The following NRP1 variants were observed in gnomAD, a reference collection of about 807,000 sequenced individuals.
NRP1 encodes neuropilin-1.
In NRP1, 35 loss-of-function variants were observed where a neutral mutation model predicts 106.7. The ratio of observed to expected loss-of-function variants is 0.33; its 90% CI spans 0.25 to 0.43. The LOEUF (loss-of-function observed/expected upper bound fraction) is 0.43. Among genes scored for constraint, NRP1 ranks in the 20% least tolerant of loss-of-function variants. The pLI is 1.00. For missense variants in NRP1, 1,024 were observed against 1,170.4 expected (o/e 0.87, Z 1.83); for synonymous variants, 437 against 417.9 (o/e 1.05, Z -0.56).
chr10:33,247,217 C>T (rs1008283175), intron 6 of NRP1, among the ~76,000 whole-genome samples: 6 of 152,116 alleles, frequency 3.9e-5, no homozygotes, highest in Admixed American at 3.9e-4. Flanking sequence ...CTCACTCATC[C>T]CACCTGAAAT....
intron 3 of NRP1, among the ~76,000 whole-genome samples, chr10:33,265,058 C>T (rs904083147): frequency 2.6e-5 from 4 of 151,590 alleles, no homozygotes; most frequent in Non-Finnish European, 4.4e-5. Flanking sequence ...TGCAGTGAGC[C>T]GAGATCACAC....
At chr10:33,309,619 A>T (rs12358711) in intron 2 of NRP1, among the ~76,000 whole-genome samples, 66,178 of 152,070 alleles carry the variant, frequency 0.44, 16,428 homozygotes, top group East Asian at 0.57. Flanking sequence ...CGTTTTTGAA[A>T]TGCTCACATC....
chr10:33,273,873 G>A (rs1004732706), intron 2 of NRP1, among the ~76,000 whole-genome samples: 20 of 152,258 alleles, frequency 1.3e-4, no homozygotes, highest in African/African-American at 4.8e-4. Context: ...TCTATGCAGG[G>A]TCTTTTTCTC....
chr10:33,270,525 C>T (rs1426697276), intron 3 of NRP1, 150 bp downstream of exon 3: 1 of 550,746 alleles, frequency 1.8e-6, no homozygotes, highest in East Asian at 3.3e-5. Flanking sequence ...CTGGGTTTCA[C>T]CATGTTGGCC....
At position 33,202,942 on chromosome 10, in the gene NRP1, C is replaced by T. The variant is rs1837457962; in HGVS notation, c.1813G>A (p.Asp605Asn). ...PNGNLVDECD[D>N]DQANCHSGTG... is the part of the protein sequence containing the mutation. ...CCACTGTGGCAGTTGGCCTGGTCGT[C>T]ATCACATTCATCCACCAAGTTCCCG... The change falls in exon 11 of 17, where the codon GAC becomes AAC. Residue 605 changes from aspartate to asparagine, a missense_variant. This residue lies in a region of NRP1 where 562 missense variants were observed against 620.3 expected (regional missense o/e 0.91). Transcript: ENST00000374867. The T allele has an allele frequency of 6.2e-7, 1 of 1,614,084 alleles. No individual in the cohort carries two copies. The highest frequency in any genetic ancestry group is 1.1e-5 in the South Asian group (1 of 91,086).
intron 3 of NRP1, among the ~76,000 whole-genome samples, chr10:33,269,157 A>T (rs1478708035): frequency 1.3e-5 from 2 of 152,234 alleles, no homozygotes; most frequent in Non-Finnish European, 2.9e-5. Flanking sequence ...TTTTCTATAC[A>T]TTAATGCCAA....
In NRP1 at chr10:33,334,305, C is replaced by T; in HGVS notation, c.73+5G>A. 6.5e-7 allele frequency: 1 copy of T among 1,541,404 alleles called. No individual in the cohort carries two copies. Among genetic ancestry groups the T allele is most frequent in the Non-Finnish European group, 8.7e-7 (1 of 1,146,088 alleles). ...CTGTCACCCGCGCCTCTGCCTGTCACTTACCGTTGCGAAAAGCGCCGGCCG... is the reference window on the plus strand; with the variant it reads ...CTGTCACCCGCGCCTCTGCCTGTCATTTACCGTTGCGAAAAGCGCCGGCCG... On this transcript the variant is annotated splice_donor_5th_base_variant and intron_variant, in intron 1 of 16. Coordinates refer to ENST00000374867, the MANE Select transcript of NRP1 (RefSeq NM_003873.7).
intron 2 of NRP1, among the ~76,000 whole-genome samples, chr10:33,314,588 C>T (rs1846882879): frequency 6.6e-6 from 1 of 152,186 alleles, no homozygotes; most frequent in Non-Finnish European, 1.5e-5. Context: ...TGTCATCATA[C>T]ATCTACTACT....
intron 8 of NRP1, among the ~76,000 whole-genome samples, chr10:33,220,676 C>T (rs1168601489): frequency 6.6e-6 from 1 of 152,024 alleles, no homozygotes; most frequent in African/African-American, 2.4e-5. Flanking sequence ...GCATGTGGAT[C>T]ACCTGAGGTC....
At chr10:33,326,039 C>G (rs1009988188) in intron 2 of NRP1, among the ~76,000 whole-genome samples, 2 of 152,118 alleles carry the variant, frequency 1.3e-5, no homozygotes, top group East Asian at 3.9e-4. Flanking sequence ...ATGTTTTTAA[C>G]CCAATGTCTG....
intron 2 of NRP1, among the ~76,000 whole-genome samples, chr10:33,303,235 C>G (rs1845927889): frequency 6.6e-6 from 1 of 152,136 alleles, no homozygotes; most frequent in Admixed American, 6.5e-5. Flanking sequence ...AACAAACAAA[C>G]ATTTTCGAAA....
intron 8 of NRP1, among the ~76,000 whole-genome samples, chr10:33,219,481 G>A (rs1839056493): frequency 6.6e-6 from 1 of 152,196 alleles, no homozygotes; most frequent in South Asian, 2.1e-4. Flanking sequence ...TGGAGACCAT[G>A]ATTAAGAGAC....
chr10:33,234,075 A>G (rs1478333905), intron 6 of NRP1, among the ~76,000 whole-genome samples: 2 of 152,154 alleles, frequency 1.3e-5, no homozygotes, highest in Non-Finnish European at 2.9e-5. Flanking sequence ...TTGTGTCCCT[A>G]TGGTGGTATT....
At chr10:33,280,736 C>T (rs1296915180) in intron 2 of NRP1, among the ~76,000 whole-genome samples, 1 of 152,042 alleles carries the variant, frequency 6.6e-6, no homozygotes, top group Admixed American at 6.6e-5. Context: ...AATCCCAGCA[C>T]TTTGGGATGT....
chr10:33,263,935 A>G (rs1432162352), intron 3 of NRP1, 62 bp from the exon 4 acceptor site: 1 of 1,036,524 alleles, frequency 9.6e-7, no homozygotes, highest in African/African-American at 1.6e-5. Flanking sequence ...TCCCCAAGAA[A>G]TAACCTGGGT....
At chr10:33,276,265 A>AAAC (rs1052865453) in intron 2 of NRP1, among the ~76,000 whole-genome samples, 8 of 152,270 alleles carry the variant, frequency 5.3e-5, no homozygotes, top group African/African-American at 7.2e-5. Context: ...TTTGTTGATA[A>AAAC]AACAACAACA....
intron 16 of NRP1, 50 bp downstream of exon 16, chr10:33,182,648 T>G: frequency 7.8e-7 from 1 of 1,281,884 alleles, no homozygotes; most frequent in Non-Finnish European, 1.1e-6. Flanking sequence ...ATAAACACAA[T>G]GAAAGCCATA....
chr10:33,333,343 A>T (rs1003666192), intron 1 of NRP1, among the ~76,000 whole-genome samples: 1 of 152,134 alleles, frequency 6.6e-6, no homozygotes, highest in African/African-American at 2.4e-5. Flanking sequence ...CATATTAGAG[A>T]GATTAACTTC....
intron 8 of NRP1, among the ~76,000 whole-genome samples, chr10:33,214,795 T>G (rs1280277340): frequency 6.6e-6 from 1 of 152,188 alleles, no homozygotes; most frequent in East Asian, 1.9e-4. Flanking sequence ...AAATGGTGGT[T>G]GCCAGGGCTT....
Sources: allele counts gnomAD v4.1 joint callset (sites outside exome capture counted in the v4.1 genomes callset), GRCh38; gene constraint gnomAD v4.1.1; regional missense constraint gnomAD v4.1.1; transcripts MANE v1.5; gene names NCBI Gene and HGNC (gene_info 2026-07-23, HGNC 2026-07-21).